CHST11: variants seen among roughly 807,000 people sequenced by gnomAD.
The protein encoded by CHST11 is C4S-1.
A neutral mutation model predicts 30.4 loss-of-function variants in CHST11; 9 were observed. The observed-to-expected ratio is 0.30, with a 90% CI of 0.18 to 0.52. CHST11 has a LOEUF of 0.52. Among genes scored for constraint, CHST11 ranks in the 20% least tolerant of loss-of-function variants. CHST11 has a pLI of 0.97. For missense variants in CHST11, 348 were observed against 460.6 expected (o/e 0.76, Z 2.24); for synonymous variants, 152 against 187.8 (o/e 0.81, Z 1.56).
At chr12:104,626,755 A>T (rs7133112) in intron 2 of CHST11, among the ~76,000 whole-genome samples, 93,702 of 150,842 alleles carry the variant, frequency 0.62, 29,267 homozygotes, top group East Asian at 0.86. Context: ...GGCACAGAAA[A>T]TTCCCAGACA....
At chr12:104,520,588 G>T (rs533573699) in intron 1 of CHST11, among the ~76,000 whole-genome samples, 8 of 152,248 alleles carry the variant, frequency 5.3e-5, no homozygotes, top group Non-Finnish European at 1.0e-4. Flanking sequence ...CTTCTTGAAG[G>T]GGATTCTTAG....
At chr12:104,646,872 A>G (rs1360062757) in intron 2 of CHST11, among the ~76,000 whole-genome samples, 5 of 152,186 alleles carry the variant, frequency 3.3e-5, no homozygotes, top group African/African-American at 1.2e-4. Flanking sequence ...TTCATTCCAC[A>G]GATAATCCCT....
chr12:104,499,754 G>A (rs567990790), intron 1 of CHST11, among the ~76,000 whole-genome samples: 1 of 152,266 alleles, frequency 6.6e-6, no homozygotes, highest in African/African-American at 2.4e-5. Context: ...CTGGGCCTGG[G>A]GCTGCCTCCG....
At chr12:104,481,986 C>T (rs1321316035) in intron 1 of CHST11, among the ~76,000 whole-genome samples, 5 of 151,538 alleles carry the variant, frequency 3.3e-5, no homozygotes, top group Non-Finnish European at 5.9e-5. Flanking sequence ...TACAGGAACC[C>T]GCCACAATGC....
intron 2 of CHST11, among the ~76,000 whole-genome samples, chr12:104,709,894 A>T (rs1181634432): frequency 6.6e-6 from 1 of 152,196 alleles, no homozygotes; most frequent in Non-Finnish European, 1.5e-5. Context: ...TATCTCAGTA[A>T]AGCTGTTATT....
intron 2 of CHST11, among the ~76,000 whole-genome samples, chr12:104,605,849 C>T (rs1051172152): frequency 6.6e-6 from 1 of 152,170 alleles, no homozygotes; most frequent in Non-Finnish European, 1.5e-5. Context: ...CCTAATTTCC[C>T]CTAAATGCCA....
chr12:104,457,791 T>TG (rs1161072143), intron 1 of CHST11, among the ~76,000 whole-genome samples: 10 of 147,718 alleles, frequency 6.8e-5, no homozygotes, highest in Non-Finnish European at 7.5e-5. Context: ...GGTAGTTTTT[T>TG]TTTTTTTTTT....
chr12:104,459,064 GA>G (rs1263436576), intron 1 of CHST11, among the ~76,000 whole-genome samples: 1 of 152,228 alleles, frequency 6.6e-6, no homozygotes, highest in Admixed American at 6.5e-5. Context: ...GTAACCTCAG[GA>G]CGTCCGAGCC....
intron 2 of CHST11, among the ~76,000 whole-genome samples, chr12:104,715,322 C>T (rs1222012480): frequency 6.6e-6 from 1 of 152,010 alleles, no homozygotes; most frequent in African/African-American, 2.4e-5. Context: ...TGCAGTGAGC[C>T]GAGATCATGC....
intron 1 of CHST11, among the ~76,000 whole-genome samples, chr12:104,535,448 T>C (rs933526730): frequency 2.0e-5 from 3 of 152,310 alleles, no homozygotes; most frequent in Admixed American, 1.3e-4. Flanking sequence ...GGAGTTCTAA[T>C]ATGTGCATCC....
chr12:104,641,108 G>A (rs1309676763), intron 2 of CHST11, among the ~76,000 whole-genome samples: 1 of 152,070 alleles, frequency 6.6e-6, no homozygotes, highest in Non-Finnish European at 1.5e-5. Flanking sequence ...GGACTCCAGG[G>A]GAAAATTACC....
At chr12:104,514,314 G>T in intron 1 of CHST11, 1 of 930,498 alleles carries the variant, frequency 1.1e-6, no homozygotes, top group Non-Finnish European at 1.8e-6. Context: ...CCTGATCATT[G>T]GCTGTGCCAG....
intron 1 of CHST11, among the ~76,000 whole-genome samples, chr12:104,561,446 G>C (rs2038512897): frequency 6.6e-6 from 1 of 152,180 alleles, no homozygotes; most frequent in South Asian, 2.1e-4. Context: ...TTGTTCAAAG[G>C]GGTTTTTAGC....
chr12:104,599,796 A>G (rs1427427996), intron 1 of CHST11, among the ~76,000 whole-genome samples: 2 of 152,180 alleles, frequency 1.3e-5, no homozygotes, highest in Admixed American at 1.3e-4. Flanking sequence ...AAGGGTTGGC[A>G]AACTCTAGCC....
chr12:104,647,187 C>T (rs912932288), intron 2 of CHST11, among the ~76,000 whole-genome samples: 8 of 152,186 alleles, frequency 5.3e-5, no homozygotes, highest in African/African-American at 1.7e-4. Flanking sequence ...CTTACCTCCA[C>T]GATTCTCTGG....
At chr12:104,684,345 T>C (rs1592837590) in intron 2 of CHST11, among the ~76,000 whole-genome samples, 1 of 147,302 alleles carries the variant, frequency 6.8e-6, no homozygotes, top group Admixed American at 6.7e-5. Context: ...GACAGATAGG[T>C]GGATGGATGA....
In CHST11 at chr12:104,514,430, C is replaced by T. The variant is rs553778546; in HGVS notation, c.118+56901C>T. ...TGATGGTTGCCTTCCTCATCCTCTT[C>T]ACCATGTGAGACTCTGTGGGGGTCA... is the stretch of plus-strand genomic sequence containing the variant. On this transcript the variant is annotated intron_variant, in intron 1 of 2. Coordinates refer to ENST00000303694, the MANE Select transcript of CHST11 (RefSeq NM_018413.6). 156 of 913,900 alleles carry T rather than the reference C, an allele frequency of 1.7e-4. 1 individual carries two copies. Among genetic ancestry groups the T allele is most frequent in the Non-Finnish European group, 4.5e-5 (25 of 551,982 alleles). 56.6% of individuals were successfully genotyped at this position (913,900 alleles called of 1,614,324 possible).
chr12:104,614,418 C>T (rs1051765729), intron 2 of CHST11, among the ~76,000 whole-genome samples: 4 of 152,104 alleles, frequency 2.6e-5, no homozygotes, highest in African/African-American at 7.2e-5. Flanking sequence ...GTGTTGTGCA[C>T]CAATTGTTCC....
chr12:104,530,116 G>A (rs551287762), intron 1 of CHST11, among the ~76,000 whole-genome samples: 1 of 152,228 alleles, frequency 6.6e-6, no homozygotes, highest in East Asian at 1.9e-4. Flanking sequence ...CCGAGATTGC[G>A]CCATTATAGT....
Sources: gnomAD v4.1 joint callset for allele counts (sites outside exome capture counted in the v4.1 genomes callset) on GRCh38, gnomAD v4.1.1 for gene constraint, MANE v1.5 for transcripts, NCBI Gene and HGNC (gene_info 2026-07-23, HGNC 2026-07-21) for gene names.